Variants in ARK2C observed in about 807,000 individuals in gnomAD.
ARK2C encodes the protein arkadia (RNF111) C-terminal like ring finger ubiquitin ligase 2C, also known as E3 ubiquitin-protein ligase ARK2C.
chr18:46,415,705 C>T, the ARK2C span, among the ~76,000 whole-genome samples: 24 of 152,160 alleles, frequency 1.6e-4, no homozygotes, highest in South Asian at 3.3e-3. Flanking sequence ...CTGAGCAAGT[C>T]TTTCTAACCC....
chr18:46,355,079 A>G, the ARK2C span, among the ~76,000 whole-genome samples: 1 of 152,032 alleles, frequency 6.6e-6, no homozygotes, highest in Non-Finnish European at 1.5e-5. Context: ...CCTCCGGAGT[A>G]GCTAGGACTA....
the ARK2C span, among the ~76,000 whole-genome samples, chr18:46,381,608 A>G: frequency 6.6e-6 from 1 of 152,024 alleles, no homozygotes; most frequent in African/African-American, 2.4e-5. Context: ...AGGCGGGAGG[A>G]TTGCTACAGC....
chr18:46,410,076 T>C, the ARK2C span, among the ~76,000 whole-genome samples: 24 of 152,318 alleles, frequency 1.6e-4, no homozygotes, highest in Non-Finnish European at 2.8e-4. Context: ...CCTGCTGTTT[T>C]ACTTATGTGG....
At chr18:46,395,861 C>T in the ARK2C span, among the ~76,000 whole-genome samples, 1 of 152,174 alleles carries the variant, frequency 6.6e-6, no homozygotes, top group African/African-American at 2.4e-5. Flanking sequence ...GAACCACAAT[C>T]ACTTATTATT....
At chr18:46,403,389 GC>G in the ARK2C span, among the ~76,000 whole-genome samples, 1 of 152,016 alleles carries the variant, frequency 6.6e-6, no homozygotes, top group Non-Finnish European at 1.5e-5. Context: ...AGCCCTCCCT[GC>G]CCCCCGTCTC....
At chr18:46,409,740 G>A in the ARK2C span, among the ~76,000 whole-genome samples, 1 of 152,178 alleles carries the variant, frequency 6.6e-6, no homozygotes, top group Admixed American at 6.5e-5. Flanking sequence ...GGAGGATTCA[G>A]GATAGATGGG....
At chr18:46,342,593 AGGCCT>A in the ARK2C span, among the ~76,000 whole-genome samples, 1 of 152,230 alleles carries the variant, frequency 6.6e-6, no homozygotes, top group Non-Finnish European at 1.5e-5. Flanking sequence ...GTCTCAGAGC[AGGCCT>A]GGCTGGCTTG....
At chr18:46,456,924 AC>A in the ARK2C span, 5 of 410,298 alleles carry the variant, frequency 1.2e-5, no homozygotes, top group Non-Finnish European at 2.3e-5. Context: ...GCTGCGGAGA[AC>A]CCAGGTGGGA....
chr18:46,440,730 A>C, the ARK2C span, among the ~76,000 whole-genome samples: 1 of 150,168 alleles, frequency 6.7e-6, no homozygotes, highest in Non-Finnish European at 1.5e-5. Flanking sequence ...GATCCGAATA[A>C]GTTTTACACA....
chr18:46,448,335 C>T, the ARK2C span, among the ~76,000 whole-genome samples: 8 of 152,164 alleles, frequency 5.3e-5, no homozygotes, highest in East Asian at 1.9e-4. Flanking sequence ...CCCCTCTCTT[C>T]GCAGCTCCTA....
the ARK2C span, among the ~76,000 whole-genome samples, chr18:46,350,876 T>C: frequency 6.6e-6 from 1 of 152,262 alleles, no homozygotes; most frequent in African/African-American, 2.4e-5. Context: ...TTATAAGCTC[T>C]TTCATCATCA....
chr18:46,380,373 G>A, the ARK2C span, among the ~76,000 whole-genome samples: 1 of 152,254 alleles, frequency 6.6e-6, no homozygotes, highest in Non-Finnish European at 1.5e-5. Flanking sequence ...GCAGGCTGAA[G>A]GAGGCCCAGA....
chr18:46,459,271 C>T, the ARK2C span: 2 of 152,258 alleles, frequency 1.3e-5, no homozygotes, highest in African/African-American at 4.8e-5. Context: ...ACACTAGAAA[C>T]TTCCCTTTGT....
the ARK2C span, among the ~76,000 whole-genome samples, chr18:46,389,746 T>TC: frequency 0.015 from 2,280 of 152,060 alleles, 20 homozygotes; most frequent in South Asian, 0.029. Flanking sequence ...TTTTTTTTTT[T>TC]CAGACAAGGT....
At chr18:46,444,751 G>A in the ARK2C span, among the ~76,000 whole-genome samples, 3 of 152,190 alleles carry the variant, frequency 2.0e-5, no homozygotes, top group East Asian at 5.8e-4. Context: ...GGGATTAGAG[G>A]CATGAGCCAC....
the ARK2C span, among the ~76,000 whole-genome samples, chr18:46,431,051 A>C: frequency 6.6e-6 from 1 of 150,980 alleles, no homozygotes; most frequent in Non-Finnish European, 1.5e-5. Context: ...CTTGCCCCCC[A>C]CCCCTGGACA....
chr18:46,401,956 A>G, the ARK2C span, among the ~76,000 whole-genome samples: 1 of 152,208 alleles, frequency 6.6e-6, no homozygotes, highest in Non-Finnish European at 1.5e-5. Context: ...ATTAAACACT[A>G]CAAATCTGAT....
At chr18:46,351,317 G>A in the ARK2C span, among the ~76,000 whole-genome samples, 1 of 152,198 alleles carries the variant, frequency 6.6e-6, no homozygotes, top group African/African-American at 2.4e-5. Context: ...TGGGGGCAGG[G>A]ATGGGCTGTG....
At chr18:46,376,664 CTTTTTTTTTTT>C in the ARK2C span, among the ~76,000 whole-genome samples, 2 of 72,246 alleles carry the variant, frequency 2.8e-5, no homozygotes, top group Admixed American at 2.2e-4. Flanking sequence ...GGTTAATAAT[CTTTTTTTTTTT>C]TTTTTTTTTT....
Sources: allele counts gnomAD v4.1 joint callset (sites outside exome capture counted in the v4.1 genomes callset), GRCh38; gene constraint gnomAD v4.1.1; transcripts MANE v1.5; gene names NCBI Gene and HGNC (gene_info 2026-07-23, HGNC 2026-07-21).